The following SORCS2 variants were observed in gnomAD, a reference collection of about 807,000 sequenced individuals.
SORCS2 encodes the protein VPS10 domain-containing receptor SorCS2.
A neutral mutation model predicts 141.6 loss-of-function variants in SORCS2; 100 were observed. That is an observed-to-expected ratio of 0.71 (90% CI 0.60 to 0.83). The LOEUF is 0.83. SORCS2 is among the 40% of genes least tolerant of loss of function. The pLI is 0.00. For synonymous variants in SORCS2, 789 were observed against 676.9 expected (o/e 1.17, Z -2.57); for missense variants, 1,646 against 1,560.2 (o/e 1.05, Z -0.93).
At chr4:7,635,674 T>C (rs536348595) in intron 3 of SORCS2, among the ~76,000 whole-genome samples, 7 of 152,336 alleles carry the variant, frequency 4.6e-5, no homozygotes, top group South Asian at 4.1e-4. Flanking sequence ...AACGTTATTA[T>C]GTAATCAAAG....
rs542038217 is a variant in SORCS2, at chr4:7,518,618, G to C, written c.549-12912G>C. ...GGTTGGTTCCTGGGGACAACGTGGG[G>C]CCAGTGTGACTCATGCCCAGCAGCG... is the stretch of plus-strand genomic sequence containing the variant. On this transcript the variant is annotated intron_variant, in intron 2 of 26. Transcript: ENST00000507866. Among the ~76,000 whole-genome samples, 4 of 152,252 alleles carry C rather than the reference G, an allele frequency of 2.6e-5. No individual in the cohort carries two copies. In the East Asian group the frequency reaches 5.8e-4, roughly 22 times the overall value.
chr4:7,684,175 G>C (rs1458311450), intron 10 of SORCS2, among the ~76,000 whole-genome samples: 1 of 152,138 alleles, frequency 6.6e-6, no homozygotes, highest in Non-Finnish European at 1.5e-5. Context: ...GTGGGAGAAG[G>C]GTCTAGTGTT....
At chr4:7,449,430 G>T (rs1728300668) in intron 2 of SORCS2, among the ~76,000 whole-genome samples, 1 of 99,218 alleles carries the variant, frequency 1.0e-5, no homozygotes, top group African/African-American at 4.0e-5. Context: ...CGTACAGACT[G>T]ACCAGGAAAC....
intron 2 of SORCS2, among the ~76,000 whole-genome samples, chr4:7,456,075 C>T (rs1181161347): frequency 6.6e-6 from 1 of 152,168 alleles, no homozygotes; most frequent in Non-Finnish European, 1.5e-5. Flanking sequence ...CCGCTATCTC[C>T]CTGTGTCCTC....
intron 1 of SORCS2, among the ~76,000 whole-genome samples, chr4:7,394,265 G>T (rs559127287): frequency 3.7e-4 from 56 of 152,266 alleles, no homozygotes; most frequent in Non-Finnish European, 6.8e-4. Flanking sequence ...TCAGTGAGTG[G>T]TGTGAGTGCT....
intron 2 of SORCS2, among the ~76,000 whole-genome samples, chr4:7,524,820 G>A (rs1733566920): frequency 6.6e-6 from 1 of 151,956 alleles, no homozygotes; most frequent in South Asian, 2.1e-4. Context: ...CCAGTTTCAG[G>A]TTTTCTAACC....
intron 1 of SORCS2, among the ~76,000 whole-genome samples, chr4:7,315,377 T>C (rs1259030474): frequency 1.3e-5 from 2 of 152,280 alleles, no homozygotes; most frequent in South Asian, 4.1e-4. Context: ...ATTTCCATTC[T>C]TGCCACTCAC....
At chr4:7,380,944 T>C (rs997898581) in intron 1 of SORCS2, among the ~76,000 whole-genome samples, 2 of 152,062 alleles carry the variant, frequency 1.3e-5, no homozygotes, top group African/African-American at 4.8e-5. Flanking sequence ...TAGCTGGGTG[T>C]GGTGGCAGGT....
At chr4:7,241,912 C>A (rs1027369213) in intron 1 of SORCS2, among the ~76,000 whole-genome samples, 2 of 152,188 alleles carry the variant, frequency 1.3e-5, no homozygotes, top group African/African-American at 4.8e-5. Flanking sequence ...AGCGTCTACT[C>A]CGTGCCTGGC....
At chr4:7,222,582 A>G (rs10010473) in intron 1 of SORCS2, among the ~76,000 whole-genome samples, 52,653 of 151,988 alleles carry the variant, frequency 0.35, 9,675 homozygotes, top group East Asian at 0.55. Flanking sequence ...GCTGACAGCC[A>G]CTGGCTTGGT....
chr4:7,283,538 A>C (rs1015893365), intron 1 of SORCS2, among the ~76,000 whole-genome samples: 8 of 152,156 alleles, frequency 5.3e-5, no homozygotes, highest in African/African-American at 1.7e-4. Flanking sequence ...AGTCTCAGCC[A>C]TTCACTCCAG....
chr4:7,582,833 T>C (rs4689786), intron 3 of SORCS2, among the ~76,000 whole-genome samples: 42,313 of 151,894 alleles, frequency 0.28, 7,242 homozygotes, highest in East Asian at 0.7. Context: ...GTAGCAGCAA[T>C]TTTAACCTGC....
intron 2 of SORCS2, among the ~76,000 whole-genome samples, chr4:7,519,439 C>T (rs1733185265): frequency 6.6e-6 from 1 of 152,190 alleles, no homozygotes; most frequent in African/African-American, 2.4e-5. Context: ...CCTTTCTGAC[C>T]CCAGACAAGT....
At chr4:7,707,594 C>A (rs1176356357) in intron 14 of SORCS2, among the ~76,000 whole-genome samples, 1 of 152,230 alleles carries the variant, frequency 6.6e-6, no homozygotes, top group Non-Finnish European at 1.5e-5. Context: ...CTGGCCCTCA[C>A]CCCTTCGAGG....
intron 2 of SORCS2, among the ~76,000 whole-genome samples, chr4:7,477,425 T>C (rs4990862): frequency 3.7e-3 from 24 of 6,464 alleles, no homozygotes; most frequent in Non-Finnish European, 0.012. Context: ...CCGTGGCTGA[T>C]CGGGGCTGAC....
intron 18 of SORCS2, among the ~76,000 whole-genome samples, chr4:7,722,444 A>G (rs1420958879): frequency 6.6e-6 from 1 of 152,152 alleles, no homozygotes; most frequent in Non-Finnish European, 1.5e-5. Flanking sequence ...ATAACAAATT[A>G]TCTCATGCCG....
At chr4:7,501,399 C>T (rs1731968365) in intron 2 of SORCS2, among the ~76,000 whole-genome samples, 1 of 152,182 alleles carries the variant, frequency 6.6e-6, no homozygotes, top group African/African-American at 2.4e-5. Flanking sequence ...CTGATCCAGT[C>T]CCCTTTCAAG....
At chr4:7,475,859 A>G (rs564055033) in intron 2 of SORCS2, among the ~76,000 whole-genome samples, 8 of 152,360 alleles carry the variant, frequency 5.3e-5, no homozygotes, top group Middle Eastern at 3.4e-3. Flanking sequence ...GGCCTCCATC[A>G]TCTGAAGATA....
intron 2 of SORCS2, chr4:7,433,826 C>G: frequency 6.2e-7 from 1 of 1,613,774 alleles, no homozygotes; most frequent in Middle Eastern, 1.6e-4. Context: ...GTGATTTTGG[C>G]CACAAGCTGC....
Sources: allele counts gnomAD v4.1 joint callset (sites outside exome capture counted in the v4.1 genomes callset), GRCh38; gene constraint gnomAD v4.1.1; transcripts MANE v1.5; gene names NCBI Gene and HGNC (gene_info 2026-07-23, HGNC 2026-07-21).